The following RABL2A variants were observed in gnomAD, a reference collection of about 807,000 sequenced individuals.
The protein encoded by RABL2A is RAB, member of RAS oncogene family like 2A.
In RABL2A, 17 loss-of-function variants were observed where a neutral mutation model predicts 30.7. That is an observed-to-expected ratio of 0.55 (90% confidence interval 0.38 to 0.83). The LOEUF (loss-of-function observed/expected upper bound fraction) is 0.83. Among genes scored for constraint, RABL2A ranks in the 40% least tolerant of loss-of-function variants. The probability of loss-of-function intolerance (pLI) is 0.00; values close to 1 mark genes in which losing one functional copy is unlikely to be tolerated. For synonymous variants in RABL2A, 64 were observed against 101.8 expected (o/e 0.63, Z 2.24); for missense variants, 155 against 272.6 (o/e 0.57, Z 3.04).
intron 3 of RABL2A, 90 bp downstream of exon 3, chr2:113,633,034 C>T (rs766896903): frequency 4.7e-5 from 75 of 1,596,290 alleles, no homozygotes; most frequent in Non-Finnish European, 6.0e-5. Context: ...TTTGTACCAG[C>T]AGCCCAGGAA....
In RABL2A at chr2:113,641,381, C is replaced by G; in HGVS notation, c.438C>G (p.Phe146Leu). The G allele has an allele frequency of 6.2e-7, 1 of 1,613,232 alleles. No individual in the cohort carries two copies. The highest frequency in any genetic ancestry group is 8.5e-7 in the Non-Finnish European group (1 of 1,179,806). The change falls in exon 7 of 9, where the codon TTC (phenylalanine) becomes TTG (leucine). Residue 146 changes from phenylalanine (F) to leucine (L), a missense_variant. This residue lies in a region of RABL2A where 33 missense variants were observed against 30.7 expected (regional missense o/e 1.08). Transcript: ENST00000683472. The part of the protein sequence containing the change: ...DADINVTQKS[F>L]NFAKKFSLPL... ...ACATAAACGTGACCCAAAAAAGCTTCAATTTTGCCAAGAAGTTCTCCCTGC... is the reference window on the plus strand; with the variant it reads ...ACATAAACGTGACCCAAAAAAGCTTGAATTTTGCCAAGAAGTTCTCCCTGC...
Position 113,635,556 on chromosome 2 carries a change from A to G in RABL2A, c.297+426A>G, listed in dbSNP as rs184520557. On this transcript the variant is annotated intron_variant, in intron 5 of 8. Transcript: ENST00000683472. ...CCCAGAGAACCTTCTCTCTCAGGCCAGCCCCTCGCCTCCCCCCGAGCCTCC... is the reference window on the plus strand; with the variant it reads ...CCCAGAGAACCTTCTCTCTCAGGCCGGCCCCTCGCCTCCCCCCGAGCCTCC... The G allele has an allele frequency of 8.8e-3, 2,504 of 284,570 alleles. 21 individuals are homozygous for G. Among genetic ancestry groups the G allele is most frequent in the Middle Eastern group, 0.018 (14 of 786 alleles). The allele number at this position is 284,570 out of a possible 1,614,324, so 17.6% of individuals were successfully genotyped here. A position where few individuals can be genotyped will look rare whatever the true frequency, so the allele number is the denominator to read the frequency against.
intron 2 of RABL2A, among the ~76,000 whole-genome samples, chr2:113,628,944 G>A (rs1452048330): frequency 3.3e-5 from 5 of 151,954 alleles, no homozygotes; most frequent in African/African-American, 9.7e-5. Flanking sequence ...TCTGAGCCCT[G>A]AGAGAACGTG....
At chr2:113,639,291 A>G (rs1193377409) in intron 5 of RABL2A, among the ~76,000 whole-genome samples, 1 of 152,034 alleles carries the variant, frequency 6.6e-6, no homozygotes, top group Non-Finnish European at 1.5e-5. Context: ...ATCTCAAAAA[A>G]CAAAAAGCAG....
In RABL2A at chr2:113,634,146, A is replaced by G. The variant is rs1681548693; in HGVS notation, c.138-7A>G. 2 of 1,607,972 alleles carry G rather than the reference A, an allele frequency of 1.2e-6. No individual in the cohort carries two copies. The highest frequency in any genetic ancestry group is 2.7e-5 in the African/African-American group (2 of 74,700). Reference sequence around the variant, plus strand: ...TTTATTGATTTTGCTCCTTAACCTGAGTGCAGTCAGCCACAGCAGCTGTCC... The same window carrying G: ...TTTATTGATTTTGCTCCTTAACCTGGGTGCAGTCAGCCACAGCAGCTGTCC... On this transcript the variant is annotated splice_polypyrimidine_tract_variant and splice_region_variant and intron_variant, in intron 3 of 8. Coordinates refer to ENST00000683472, the MANE Select transcript of RABL2A (RefSeq NM_001306158.2).
chr2:113,637,599 G>A (rs1683413503), intron 5 of RABL2A: 1 of 1,213,192 alleles, frequency 8.2e-7, no homozygotes, highest in South Asian at 1.5e-5. Context: ...TGCCCGTTAA[G>A]AACAAAATCC....
At position 113,641,468 on chromosome 2, in the gene RABL2A, G is replaced by A; in HGVS notation, c.507+18G>A. The stretch of plus-strand genomic sequence containing the variant: ...TTGTGAAGGTGTGGTTGACTGCAGA[G>A]GTAGCTAGCAAGGTCAGGGCGCTAG... On this transcript the variant is annotated intron_variant, in intron 7 of 8. Coordinates refer to ENST00000683472, the MANE Select transcript of RABL2A (RefSeq NM_001306158.2). 1 of 1,612,206 alleles carries A rather than the reference G, an allele frequency of 6.2e-7. No homozygotes were observed. The highest frequency in any genetic ancestry group is 1.1e-5 in the South Asian group (1 of 90,960).
chr2:113,640,869 A>G (rs758738343), intron 5 of RABL2A, 25 bp from the exon 6 acceptor site: 4 of 1,613,804 alleles, frequency 2.5e-6, no homozygotes, highest in South Asian at 1.1e-5. Context: ...TACCTGAGCT[A>G]TCTTTCTTCC....
At chr2:113,632,451 A>G (rs1194653918) in intron 2 of RABL2A, among the ~76,000 whole-genome samples, 1 of 152,216 alleles carries the variant, frequency 6.6e-6, no homozygotes, top group Non-Finnish European at 1.5e-5. Flanking sequence ...GTGTGTCGCC[A>G]CACCTGGCTA....
rs1331501522 is a variant in RABL2A at position 113,642,372 on chromosome 2, T to C, written c.*243T>C. ...GAAGCAGAATTAGGGATCAGCATCATTAACACCTTCCCCACCCCCTCCCCC... is the reference window on the plus strand; with the variant it reads ...GAAGCAGAATTAGGGATCAGCATCACTAACACCTTCCCCACCCCCTCCCCC... On this transcript the variant is annotated 3_prime_UTR_variant, in exon 9 of 9. Transcript: ENST00000683472. The C allele has an allele frequency of 3.2e-6, 3 of 933,616 alleles. No individual in the cohort carries two copies. The highest frequency in any genetic ancestry group is 5.8e-5 in the East Asian group (2 of 34,708). 57.8% of individuals were successfully genotyped at this position (933,616 alleles called of 1,614,324 possible). A position where few individuals can be genotyped will look rare whatever the true frequency, so the allele number is the denominator to read the frequency against.
rs1362998534 is a variant in RABL2A, at chr2:113,642,319, G to A, written c.*190G>A. 7.4e-7 allele frequency: 1 copy of A among 1,349,332 alleles called. No homozygotes were observed. Among genetic ancestry groups the A allele is most frequent in the Non-Finnish European group, 9.9e-7 (1 of 1,010,380 alleles). The allele number at this position is 1,349,332 out of a possible 1,614,324, so 83.6% of individuals were successfully genotyped here. A position where few individuals can be genotyped will look rare whatever the true frequency, so the allele number is the denominator to read the frequency against. ...GTCAGCACCAGCAAACTCTGGACTG[G>A]TGGAAGAATTCCCCACCAGATCTCC... On this transcript the variant is annotated 3_prime_UTR_variant, in exon 9 of 9. Coordinates refer to ENST00000683472, the MANE Select transcript of RABL2A (RefSeq NM_001306158.2).
chr2:113,634,939 T>C, intron 4 of RABL2A, 112 bp from the exon 5 acceptor site: 2 of 1,001,652 alleles, frequency 2.0e-6, no homozygotes, highest in Non-Finnish European at 3.1e-6. Flanking sequence ...CTCCCTGTGC[T>C]CCCCATGTAC....
At chr2:113,635,878 G>A (rs896418159) in intron 5 of RABL2A, among the ~76,000 whole-genome samples, 4 of 149,816 alleles carry the variant, frequency 2.7e-5, no homozygotes, top group Admixed American at 2.0e-4. Flanking sequence ...AGGCCAAGAT[G>A]GGTGGATCAC....
chr2:113,639,106 G>A (rs781356646), intron 5 of RABL2A, among the ~76,000 whole-genome samples: 2 of 151,608 alleles, frequency 1.3e-5, no homozygotes, highest in Non-Finnish European at 2.9e-5. Context: ...AATATAATGA[G>A]AGCTTATCAT....
chr2:113,635,454 T>A (rs1574031102), intron 5 of RABL2A: 1 of 407,960 alleles, frequency 2.5e-6, no homozygotes, highest in East Asian at 5.8e-5. Context: ...TCAGACAAGC[T>A]CCCAAGGCCT....
intron 5 of RABL2A, chr2:113,638,019 T>C (rs1203301936): frequency 1.0e-6 from 1 of 985,362 alleles, no homozygotes; most frequent in Non-Finnish European, 1.2e-6. Context: ...ACCCTCCACC[T>C]TGAAACCTTG....
rs1318305530 is a variant in RABL2A at position 113,635,140 on chromosome 2, G to A, written c.297+10G>A. On this transcript the variant is annotated intron_variant, in intron 5 of 8. Transcript: ENST00000683472. ...CCATGCCTGCATCATGGTACGAGACGGTGGGGAGGTGGACAAAGGCACTGG... is the reference window on the plus strand; with the variant it reads ...CCATGCCTGCATCATGGTACGAGACAGTGGGGAGGTGGACAAAGGCACTGG... The A allele has an allele frequency of 3.1e-6, 5 of 1,613,892 alleles. No homozygotes were observed. The highest frequency in any genetic ancestry group is 2.5e-6 in the Non-Finnish European group (3 of 1,179,948).
At chr2:113,638,813 G>T (rs966649474) in intron 5 of RABL2A, among the ~76,000 whole-genome samples, 1 of 151,986 alleles carries the variant, frequency 6.6e-6, no homozygotes, top group Admixed American at 6.5e-5. Flanking sequence ...TTGAACCCAG[G>T]AGGTGGAGGT....
At chr2:113,629,320 G>A (rs1385804145) in intron 2 of RABL2A, among the ~76,000 whole-genome samples, 1 of 152,124 alleles carries the variant, frequency 6.6e-6, no homozygotes, top group Non-Finnish European at 1.5e-5. Context: ...ACTTGCCCCT[G>A]CCCAGAGAAG....
Sources: gnomAD v4.1 joint callset for allele counts (sites outside exome capture counted in the v4.1 genomes callset) on GRCh38, gnomAD v4.1.1 for gene constraint, gnomAD v4.1.1 regional missense constraint, MANE v1.5 for transcripts, NCBI Gene and HGNC (gene_info 2026-07-23, HGNC 2026-07-21) for gene names.